Variants in DSCAM observed in about 807,000 individuals in gnomAD.
The protein encoded by DSCAM is DS cell adhesion molecule, also known as cell adhesion molecule DSCAM.
A neutral mutation model predicts 217.7 loss-of-function variants in DSCAM; 47 were observed. That is an observed-to-expected ratio of 0.22 (90% CI 0.17 to 0.28). The LOEUF is 0.28. DSCAM is among the 10% of genes least tolerant of loss of function. The probability of loss-of-function intolerance (pLI) is 1.00; values close to 1 mark genes in which losing one functional copy is unlikely to be tolerated. For missense variants in DSCAM, 2,080 were observed against 2,618.3 expected (o/e 0.79, Z 4.49); for synonymous variants, 1,056 against 1,015.3 (o/e 1.04, Z -0.76).
At chr21:40,734,534 TC>T in intron 1 of DSCAM, among the ~76,000 whole-genome samples, 1 of 152,214 alleles carries the variant, frequency 6.6e-6, no homozygotes. Flanking sequence ...AGAAAGGTCT[TC>T]CATCCAACCT....
intron 11 of DSCAM, among the ~76,000 whole-genome samples, chr21:40,206,734 C>T (rs956305707): frequency 6.6e-6 from 1 of 150,822 alleles, no homozygotes; most frequent in Non-Finnish European, 1.5e-5. Context: ...CATAGCAAGA[C>T]CCCATCTCTA....
At chr21:40,175,152 C>T (rs1030679161) in intron 15 of DSCAM, among the ~76,000 whole-genome samples, 8 of 152,172 alleles carry the variant, frequency 5.3e-5, no homozygotes, top group Admixed American at 4.6e-4. Context: ...CTCTGTTGCC[C>T]AGGCTGGAGT....
chr21:40,525,503 T>A (rs1229801269), intron 3 of DSCAM, among the ~76,000 whole-genome samples: 1 of 152,200 alleles, frequency 6.6e-6, no homozygotes, highest in African/African-American at 2.4e-5. Context: ...AAACAAACAT[T>A]CTTTAAGTGA....
intron 1 of DSCAM, among the ~76,000 whole-genome samples, chr21:40,844,885 C>T (rs890769812): frequency 6.6e-6 from 1 of 152,144 alleles, no homozygotes; most frequent in African/African-American, 2.4e-5. Flanking sequence ...ACACACTTCC[C>T]AATGGGGTGC....
chr21:40,822,857 A>T (rs1569054437), intron 1 of DSCAM, among the ~76,000 whole-genome samples: 1 of 152,198 alleles, frequency 6.6e-6, no homozygotes, highest in Non-Finnish European at 1.5e-5. Context: ...TCTTATAAGA[A>T]ATAACACTTC....
At chr21:40,494,331 A>G (rs1434948422) in intron 3 of DSCAM, among the ~76,000 whole-genome samples, 1 of 152,222 alleles carries the variant, frequency 6.6e-6, no homozygotes, top group Non-Finnish European at 1.5e-5. Flanking sequence ...ATTTAAGGAC[A>G]TGCATAGACT....
In DSCAM at chr21:40,044,192, GGTGGGGTCGGTT is replaced by G; in HGVS notation, c.5257_5268del (p.Asn1753_His1756del). 6.2e-7 allele frequency: 1 copy of G among 1,614,160 alleles called. No individual in the cohort carries two copies. On this transcript the variant is annotated inframe_deletion, in exon 31 of 33. Coordinates refer to ENST00000400454, the MANE Select transcript of DSCAM (RefSeq NM_001389.5). Reference sequence around the variant, plus strand: ...GTGAGGGTGTGTGCTGAGATGGTGGGGTGGGGTCGGTTGAGGGTCCACTGGCTGGCATAGCGG... The same window carrying G: ...GTGAGGGTGTGTGCTGAGATGGTGGGGAGGGTCCACTGGCTGGCATAGCGG...
chr21:40,231,010 C>CT (rs372643343), intron 11 of DSCAM, among the ~76,000 whole-genome samples: 2,690 of 137,562 alleles, frequency 0.02, 32 homozygotes, highest in South Asian at 0.037. Flanking sequence ...CTCGATTATG[C>CT]TTTTTTTTTT....
At chr21:40,566,514 C>G (rs551240821) in intron 3 of DSCAM, among the ~76,000 whole-genome samples, 12 of 152,346 alleles carry the variant, frequency 7.9e-5, no homozygotes, top group Non-Finnish European at 1.6e-4. Context: ...ACTCACCACC[C>G]AACACATTAT....
At chr21:40,836,363 G>A (rs1221765203) in intron 1 of DSCAM, among the ~76,000 whole-genome samples, 2 of 152,170 alleles carry the variant, frequency 1.3e-5, no homozygotes, top group Admixed American at 6.5e-5. Context: ...AAAAAATGGT[G>A]CAAAGAGATA....
intron 3 of DSCAM, among the ~76,000 whole-genome samples, chr21:40,488,979 A>G (rs1432881415): frequency 6.6e-6 from 1 of 152,250 alleles, no homozygotes; most frequent in East Asian, 1.9e-4. Context: ...ATAATAGGAT[A>G]GTCAGAGGTC....
At chr21:40,612,203 C>G (rs1472304263) in intron 3 of DSCAM, among the ~76,000 whole-genome samples, 1 of 152,200 alleles carries the variant, frequency 6.6e-6, no homozygotes, top group Non-Finnish European at 1.5e-5. Context: ...CTTTGCTGCT[C>G]TGCTCATTGA....
At chr21:40,548,280 G>C (rs2076599983) in intron 3 of DSCAM, among the ~76,000 whole-genome samples, 1 of 152,150 alleles carries the variant, frequency 6.6e-6, no homozygotes, top group Non-Finnish European at 1.5e-5. Flanking sequence ...GCTGCCTTCA[G>C]AGTTTAATTA....
chr21:40,245,782 A>G (rs958850802), intron 11 of DSCAM, among the ~76,000 whole-genome samples: 1 of 152,166 alleles, frequency 6.6e-6, no homozygotes, highest in Non-Finnish European at 1.5e-5. Context: ...CTGAAACTGG[A>G]CAAATCAATG....
chr21:40,465,979 G>A (rs756056940), intron 3 of DSCAM, among the ~76,000 whole-genome samples: 1 of 152,096 alleles, frequency 6.6e-6, no homozygotes, highest in Non-Finnish European at 1.5e-5. Flanking sequence ...GCTGTTTTGG[G>A]TGACGGAATC....
chr21:40,054,565 CA>C (rs2088983685), intron 29 of DSCAM, among the ~76,000 whole-genome samples: 1 of 152,204 alleles, frequency 6.6e-6, no homozygotes, highest in Admixed American at 6.5e-5. Context: ...ATCCAGACCA[CA>C]AGAAAGGGTT....
intron 11 of DSCAM, among the ~76,000 whole-genome samples, chr21:40,240,348 G>A (rs571455932): frequency 6.8e-5 from 3 of 43,852 alleles, no homozygotes; most frequent in African/African-American, 3.3e-4. Context: ...CTTCCTCACT[G>A]GTTTTTTTTT....
At chr21:40,546,242 G>C (rs1414421303) in intron 3 of DSCAM, among the ~76,000 whole-genome samples, 1 of 152,228 alleles carries the variant, frequency 6.6e-6, no homozygotes. Context: ...AAGCTGTGCA[G>C]GAGAGCTGGG....
At chr21:40,362,813 G>A (rs796801088) in intron 4 of DSCAM, among the ~76,000 whole-genome samples, 10 of 151,994 alleles carry the variant, frequency 6.6e-5, no homozygotes, top group African/African-American at 2.2e-4. Flanking sequence ...TATATATGCA[G>A]GTGTGCATAT....
Sources: gnomAD v4.1 joint callset for allele counts (sites outside exome capture counted in the v4.1 genomes callset) on GRCh38, gnomAD v4.1.1 for gene constraint, MANE v1.5 for transcripts, NCBI Gene and HGNC (gene_info 2026-07-23, HGNC 2026-07-21) for gene names.